Variants in NRDC observed in about 807,000 individuals in gnomAD.
The protein encoded by NRDC is nardilysin.
NRDC carries 54 observed loss-of-function variants against 147.1 expected under a neutral mutation model. The observed-to-expected ratio is 0.37, with a 90% confidence interval of 0.29 to 0.46. NRDC has a LOEUF of 0.46. Ranked by LOEUF, NRDC falls within the 20% of genes least tolerant of loss-of-function variation. The pLI is 1.00. For missense variants in NRDC, 1,082 were observed against 1,370.6 expected (o/e 0.79, Z 3.33); for synonymous variants, 440 against 482.1 (o/e 0.91, Z 1.14).
At chr1:51,844,466 C>CA (rs1273559010) in intron 1 of NRDC, among the ~76,000 whole-genome samples, 1 of 151,774 alleles carries the variant, frequency 6.6e-6, no homozygotes, top group African/African-American at 2.4e-5. Flanking sequence ...AGGAGAAGGC[C>CA]AACCGCAAGC....
intron 4 of NRDC, 75 bp from the exon 5 acceptor site, chr1:51,827,944 A>C (rs1296543047): frequency 8.9e-7 from 1 of 1,127,662 alleles, no homozygotes; most frequent in Non-Finnish European, 1.3e-6. Flanking sequence ...TTAATTAAGA[A>C]ACTTACTAAG....
At chr1:51,800,774 C>T (rs1039480283) in intron 20 of NRDC, 91 bp from the exon 21 acceptor site, 6 of 1,320,810 alleles carry the variant, frequency 4.5e-6, no homozygotes, top group Non-Finnish European at 5.3e-6. Context: ...TTACCAGGTA[C>T]CCAGCATGGA....
intron 27 of NRDC, 24 bp from the exon 28 acceptor site, chr1:51,791,014 G>T: frequency 1.3e-6 from 2 of 1,530,872 alleles, no homozygotes; most frequent in Non-Finnish European, 9.0e-7. Context: ...TCTTCAATCA[G>T]AACTAAAACA....
At chr1:51,813,907 C>A in intron 14 of NRDC, 128 bp downstream of exon 14, 1 of 678,288 alleles carries the variant, frequency 1.5e-6, no homozygotes, top group Non-Finnish European at 2.6e-6. Context: ...TCAAGGCCAC[C>A]TGGAGACTCA....
chr1:51,861,846 A>G (rs1682560142), intron 1 of NRDC, among the ~76,000 whole-genome samples: 1 of 152,136 alleles, frequency 6.6e-6, no homozygotes. Flanking sequence ...CGCCACACAC[A>G]CGCACACATT....
intron 22 of NRDC, 70 bp downstream of exon 22, chr1:51,798,179 G>A: frequency 6.7e-7 from 1 of 1,499,948 alleles, no homozygotes; most frequent in South Asian, 1.2e-5. Context: ...TCCCCTTTAG[G>A]AAAGAACTAT....
chr1:51,805,343 G>A (rs550912354), intron 19 of NRDC, among the ~76,000 whole-genome samples, 167 bp downstream of exon 19: 1 of 152,278 alleles, frequency 6.6e-6, no homozygotes, highest in East Asian at 1.9e-4. Flanking sequence ...CCATTTTAAT[G>A]TTTGGTAATA....
chr1:51,813,102 C>A (rs1315403919), intron 14 of NRDC, among the ~76,000 whole-genome samples: 6 of 151,884 alleles, frequency 4.0e-5, no homozygotes, highest in Non-Finnish European at 7.4e-5. Context: ...CACAGCAAGA[C>A]CCTGTCTCTA....
At position 51,872,626 on chromosome 1, in the gene NRDC, C is replaced by T. The variant is rs887802070; in HGVS notation, c.341+5649G>A. On this transcript the variant is annotated intron_variant, in intron 1 of 30. Transcript: ENST00000352171. ...GCCAAGGTGGGGAGGATGGCTTGAA[C>T]CTGGGAGGTGGAGGCTGCAGTGAGT... Among the ~76,000 whole-genome samples, 3 of 152,250 alleles carry T rather than the reference C, an allele frequency of 2.0e-5. No individual in the cohort carries two copies. The South Asian group carries it at 6.2e-4, about 32-fold the overall frequency.
intron 24 of NRDC, among the ~76,000 whole-genome samples, chr1:51,793,150 C>T (rs1462334034): frequency 6.6e-6 from 1 of 152,216 alleles, no homozygotes; most frequent in African/African-American, 2.4e-5. Flanking sequence ...ACAACAAAAC[C>T]AATGCTCTCT....
At chr1:51,877,646 T>C (rs1683397780) in intron 1 of NRDC, among the ~76,000 whole-genome samples, 4 of 152,190 alleles carry the variant, frequency 2.6e-5, no homozygotes, top group East Asian at 1.9e-4. Flanking sequence ...AAACCAAAAG[T>C]AGAGAATTTC....
intron 1 of NRDC, among the ~76,000 whole-genome samples, chr1:51,842,235 T>C (rs1210276430): frequency 6.6e-6 from 1 of 151,908 alleles, no homozygotes; most frequent in African/African-American, 2.4e-5. Context: ...TGTTTGGTTT[T>C]TTTTTTTTTG....
intron 1 of NRDC, among the ~76,000 whole-genome samples, chr1:51,869,313 T>C (rs1682970292): frequency 6.6e-6 from 1 of 150,596 alleles, no homozygotes; most frequent in African/African-American, 2.4e-5. Context: ...TACTTCTTTA[T>C]TGTTATTTAA....
At chr1:51,847,379 C>T (rs1681694476) in intron 1 of NRDC, among the ~76,000 whole-genome samples, 1 of 152,250 alleles carries the variant, frequency 6.6e-6, no homozygotes, top group Non-Finnish European at 1.5e-5. Context: ...CTTGCGCCCG[C>T]ACTCCTCAGC....
At chr1:51,876,258 T>C (rs563029906) in intron 1 of NRDC, among the ~76,000 whole-genome samples, 1 of 152,178 alleles carries the variant, frequency 6.6e-6, no homozygotes, top group Non-Finnish European at 1.5e-5. Flanking sequence ...CATTTATACA[T>C]TGCCAATACA....
At chr1:51,856,914 A>G (rs1018354567) in intron 1 of NRDC, among the ~76,000 whole-genome samples, 1 of 152,156 alleles carries the variant, frequency 6.6e-6, no homozygotes, top group Non-Finnish European at 1.5e-5. Flanking sequence ...GACTTTAACA[A>G]GGGCTATGGG....
intron 1 of NRDC, among the ~76,000 whole-genome samples, chr1:51,859,583 A>G (rs1682427729): frequency 6.6e-6 from 1 of 152,138 alleles, no homozygotes; most frequent in Non-Finnish European, 1.5e-5. Flanking sequence ...GTCTTCTGTC[A>G]TGAGGTCTAC....
chr1:51,862,634 G>C lies in NRDC; in HGVS notation c.341+15641C>G, dbSNP rs561205954. ...AGCTACTCAGGAGGCTGAGGTGGGAGGATCACCTGAGCCAGGAGGTTAAGG... is the reference window on the plus strand; with the variant it reads ...AGCTACTCAGGAGGCTGAGGTGGGACGATCACCTGAGCCAGGAGGTTAAGG... On this transcript the variant is annotated intron_variant, in intron 1 of 30. Transcript: ENST00000352171. 2.0e-5 allele frequency among the ~76,000 whole-genome samples: 3 copies of C among 152,096 alleles called. No homozygotes were observed. The East Asian group carries it at 5.8e-4, about 29-fold the overall frequency.
intron 1 of NRDC, chr1:51,862,260 A>G (rs1338366877): frequency 6.6e-6 from 1 of 152,144 alleles, no homozygotes; most frequent in Non-Finnish European, 1.5e-5. Flanking sequence ...CCCCCCGCCA[A>G]TAAAAGACAT....
Sources: allele counts gnomAD v4.1 joint callset (sites outside exome capture counted in the v4.1 genomes callset), GRCh38; gene constraint gnomAD v4.1.1; transcripts MANE v1.5; gene names NCBI Gene and HGNC (gene_info 2026-07-23, HGNC 2026-07-21).